Variants in RGS17 observed in about 807,000 individuals in gnomAD.
RGS17 encodes regulator of G-protein signaling 17.
In RGS17, 12 loss-of-function variants were observed where a neutral mutation model predicts 25.5. That is an observed-to-expected ratio of 0.47 (90% CI 0.30 to 0.76). The LOEUF (loss-of-function observed/expected upper bound fraction) is 0.76. Among genes scored for constraint, RGS17 ranks in the 30% least tolerant of loss-of-function variants. The pLI is 0.07. For synonymous variants in RGS17, 71 were observed against 76.9 expected (o/e 0.92, Z 0.40); for missense variants, 196 against 242.2 (o/e 0.81, Z 1.27).
chr6:153,035,318 T>C (rs1002193128), intron 2 of RGS17, among the ~76,000 whole-genome samples: 2 of 152,196 alleles, frequency 1.3e-5, no homozygotes, highest in Non-Finnish European at 1.5e-5. Context: ...TGCTATATTT[T>C]ATAGCACCCA....
chr6:153,041,062 G>C (rs1776315825), intron 2 of RGS17, among the ~76,000 whole-genome samples: 1 of 151,742 alleles, frequency 6.6e-6, no homozygotes, highest in South Asian at 2.1e-4. Flanking sequence ...CTACTGGGGA[G>C]GCTGAGGAGG....
chr6:153,014,053 A>G (rs1296855374), intron 4 of RGS17, among the ~76,000 whole-genome samples: 4 of 152,232 alleles, frequency 2.6e-5, no homozygotes, highest in Non-Finnish European at 5.9e-5. Context: ...AGAAGATGCT[A>G]TCTAGGACTT....
chr6:153,118,840 G>T (rs968981068), intron 1 of RGS17, among the ~76,000 whole-genome samples: 2 of 152,008 alleles, frequency 1.3e-5, no homozygotes, highest in Non-Finnish European at 2.9e-5. Context: ...ATAACTCACT[G>T]ATCTTCTTTC....
intron 1 of RGS17, among the ~76,000 whole-genome samples, chr6:153,062,600 G>A (rs1776654763): frequency 6.6e-6 from 1 of 152,056 alleles, no homozygotes; most frequent in Non-Finnish European, 1.5e-5. Flanking sequence ...TGCTGAATTG[G>A]GTGCAGAGAT....
chr6:153,128,637 G>A (rs1777741039), intron 1 of RGS17, among the ~76,000 whole-genome samples: 1 of 152,194 alleles, frequency 6.6e-6, no homozygotes, highest in African/African-American at 2.4e-5. Flanking sequence ...AAACGGGTAA[G>A]AATATATATT....
intron 1 of RGS17, among the ~76,000 whole-genome samples, chr6:153,097,281 GT>G (rs60871262): frequency 0.022 from 2,698 of 124,232 alleles, 105 homozygotes; most frequent in African/African-American, 0.074. Context: ...AGACAATAGC[GT>G]TTTTTTGATT....
At chr6:153,047,513 A>C (rs905906842) in intron 1 of RGS17, among the ~76,000 whole-genome samples, 1 of 152,206 alleles carries the variant, frequency 6.6e-6, no homozygotes, top group Non-Finnish European at 1.5e-5. Flanking sequence ...TGCCCTTGCA[A>C]AATATATTTG....
chr6:153,044,756 A>G (rs1776367565), intron 1 of RGS17, among the ~76,000 whole-genome samples: 1 of 152,222 alleles, frequency 6.6e-6, no homozygotes, highest in South Asian at 2.1e-4. Flanking sequence ...GAATTTATAT[A>G]TCATGGCAGA....
intron 1 of RGS17, among the ~76,000 whole-genome samples, chr6:153,104,437 A>C (rs116098887): frequency 1.5e-3 from 222 of 152,368 alleles, no homozygotes; most frequent in African/African-American, 5.1e-3. Context: ...ATGACTCTGA[A>C]TCCAGAACAT....
intron 2 of RGS17, among the ~76,000 whole-genome samples, chr6:153,030,854 C>T (rs1299364334): frequency 6.6e-6 from 1 of 152,166 alleles, no homozygotes; most frequent in East Asian, 1.9e-4. Context: ...ATAAACATCA[C>T]ATGGCATTGT....
At chr6:153,097,452 T>A (rs1453913890) in intron 1 of RGS17, among the ~76,000 whole-genome samples, 5 of 151,720 alleles carry the variant, frequency 3.3e-5, no homozygotes, top group African/African-American at 2.4e-5. Context: ...TGATTTTTTT[T>A]AAAAGAAAAC....
intron 1 of RGS17, among the ~76,000 whole-genome samples, chr6:153,081,887 G>A (rs959133645): frequency 2.0e-5 from 3 of 152,162 alleles, no homozygotes; most frequent in African/African-American, 7.2e-5. Context: ...TACTTACTTT[G>A]TGGCTGAATA....
chr6:153,037,340 T>C (rs1776261263), intron 2 of RGS17, among the ~76,000 whole-genome samples: 1 of 152,162 alleles, frequency 6.6e-6, no homozygotes, highest in East Asian at 1.9e-4. Flanking sequence ...GTAGGCTCAA[T>C]TGGCAAATCC....
chr6:153,040,995 T>TAA lies in RGS17; in HGVS notation c.119+2903_119+2904dup, dbSNP rs71017569. Among the ~76,000 whole-genome samples the TAA allele has an allele frequency of 4.2e-3, 507 of 122,114 alleles. 4 individuals are homozygous for TAA. The highest frequency in any genetic ancestry group is 0.012 in the African/African-American group (385 of 32,850). The allele number at this position is 122,114 out of a possible 152,430, so 80.1% of individuals were successfully genotyped here. A position where few individuals can be genotyped will look rare whatever the true frequency, so the allele number is the denominator to read the frequency against. ...CAACATAGCAAGATGCTGACTCCAC[T>TAA]AAAAAAAAAAAAAAAAAAAATTAGC... On this transcript the variant is annotated intron_variant, in intron 2 of 4. Transcript: ENST00000206262.
intron 1 of RGS17, among the ~76,000 whole-genome samples, chr6:153,059,922 C>T (rs1382194138): frequency 6.6e-6 from 1 of 152,168 alleles, no homozygotes; most frequent in African/African-American, 2.4e-5. Context: ...TGGCATTCCA[C>T]CATCTGGGAG....
intron 1 of RGS17, among the ~76,000 whole-genome samples, chr6:153,064,039 C>T (rs189687555): frequency 6.6e-6 from 1 of 152,048 alleles, no homozygotes; most frequent in Non-Finnish European, 1.5e-5. Flanking sequence ...CTTTCCCAAA[C>T]AAACAAAAGC....
intron 1 of RGS17, among the ~76,000 whole-genome samples, chr6:153,074,791 T>G (rs745445920): frequency 2.0e-5 from 3 of 152,212 alleles, no homozygotes; most frequent in African/African-American, 7.2e-5. Flanking sequence ...CAGTCCATGG[T>G]TGGTATCAGA....
rs767808299 is a variant in RGS17, at chr6:153,007,649, T to C, written c.*3925A>G. 1.2e-4 allele frequency: 18 copies of C among 152,046 alleles called. No individual in the cohort carries two copies. The highest frequency in any genetic ancestry group is 1.8e-4 in the Non-Finnish European group (12 of 67,994). 9.4% of individuals were successfully genotyped at this position (152,046 alleles called of 1,614,324 possible). On this transcript the variant is annotated 3_prime_UTR_variant, in exon 5 of 5. Coordinates refer to ENST00000206262, the MANE Select transcript of RGS17 (RefSeq NM_012419.5). ...CTCTGTTGCCAAGGCTGGAGTGCAG[T>C]GGCATGATATCAGCTCACTGCGACC...
At chr6:153,129,216 T>C (rs1232853986) in intron 1 of RGS17, among the ~76,000 whole-genome samples, 1 of 152,196 alleles carries the variant, frequency 6.6e-6, no homozygotes, top group Non-Finnish European at 1.5e-5. Flanking sequence ...CAAAAGACTA[T>C]AAAAACTAGT....
Sources: gnomAD v4.1 joint callset for allele counts (sites outside exome capture counted in the v4.1 genomes callset) on GRCh38, gnomAD v4.1.1 for gene constraint, MANE v1.5 for transcripts, NCBI Gene and HGNC (gene_info 2026-07-23, HGNC 2026-07-21) for gene names.